GRM4: variants seen among roughly 807,000 people sequenced by gnomAD.
GRM4 encodes glutamate metabotropic receptor 4.
GRM4 carries 28 observed loss-of-function variants against 81.7 expected under a neutral mutation model. That is an observed-to-expected ratio of 0.34 (90% confidence interval 0.25 to 0.47). The LOEUF (loss-of-function observed/expected upper bound fraction) is 0.47, where lower values mean the gene tolerates loss of function less well. Ranked by LOEUF, GRM4 falls within the 20% of genes least tolerant of loss-of-function variation. GRM4 has a pLI of 1.00. For missense variants in GRM4, 948 were observed against 1,290.0 expected (o/e 0.73, Z 4.06); for synonymous variants, 488 against 528.8 (o/e 0.92, Z 1.06).
intron 2 of GRM4, among the ~76,000 whole-genome samples, chr6:34,100,573 G>C (rs1394215638): frequency 6.6e-6 from 1 of 152,190 alleles, no homozygotes; most frequent in Non-Finnish European, 1.5e-5. Flanking sequence ...TCACTCACTT[G>C]ACCAGGGTTT....
rs1562012195 is a variant in GRM4, at chr6:34,035,537, A to AAAGAAGGCAGAATGAGGAAT, written c.2442+130_2442+131insATTCCTCATTCTGCCTTCTT. ...GCATGAAAGAAGGCAGAATGAGGCA[A>AAAGAAGGCAGAATGAGGAAT]GAAAGAAGGCAGAATGAGGCATGAA... On this transcript the variant is annotated intron_variant, in intron 9 of 10. Coordinates refer to ENST00000538487, the MANE Select transcript of GRM4 (RefSeq NM_000841.4). The surrounding 1 kb of genome is among the most constrained non-coding windows in gnomAD (Gnocchi z 6.6). 1 of 579,024 alleles carries AAAGAAGGCAGAATGAGGAAT rather than the reference A, an allele frequency of 1.7e-6. No individual in the cohort carries two copies. The highest frequency in any genetic ancestry group is 2.0e-5 in the African/African-American group (1 of 50,394). The allele number at this position is 579,024 out of a possible 1,614,324, so 35.9% of individuals were successfully genotyped here.
intron 2 of GRM4, among the ~76,000 whole-genome samples, chr6:34,095,171 C>A (rs1245061654): frequency 6.6e-6 from 1 of 152,170 alleles, no homozygotes; most frequent in Non-Finnish European, 1.5e-5. Flanking sequence ...AGGAGGGGCC[C>A]CTGACCTTCC....
intron 2 of GRM4, among the ~76,000 whole-genome samples, chr6:34,128,077 C>T (rs1014418537): frequency 6.6e-6 from 1 of 152,166 alleles, no homozygotes; most frequent in African/African-American, 2.4e-5. Context: ...TGCCCCATTT[C>T]GTGATAGCAA....
At chr6:34,123,975 C>A (rs1479669486) in intron 2 of GRM4, among the ~76,000 whole-genome samples, 4 of 152,156 alleles carry the variant, frequency 2.6e-5, no homozygotes, top group Admixed American at 1.3e-4. Context: ...CAAAAGTCAT[C>A]AGGGTGGGAG....
intron 1 of GRM4, among the ~76,000 whole-genome samples, chr6:34,154,816 C>A (rs1002140601): frequency 6.6e-6 from 1 of 152,212 alleles, no homozygotes; most frequent in African/African-American, 2.4e-5. Flanking sequence ...TCAGCCACCC[C>A]AGAAACGCGG....
chr6:34,145,534 C>G (rs1462008354), intron 1 of GRM4, among the ~76,000 whole-genome samples: 4 of 152,318 alleles, frequency 2.6e-5, no homozygotes, highest in Admixed American at 6.5e-5. Context: ...GGCGCCGCAA[C>G]AGCGGCAACA....
At chr6:34,138,579 A>C (rs1163686186) in intron 1 of GRM4, among the ~76,000 whole-genome samples, 1 of 152,192 alleles carries the variant, frequency 6.6e-6, no homozygotes, top group East Asian at 1.9e-4. Context: ...CCCCTCTGCT[A>C]TCCATCCGGG....
At position 34,092,608 on chromosome 6, in the gene GRM4, G is replaced by A. The variant is rs182333496; in HGVS notation, c.520-509C>T. On this transcript the variant is annotated intron_variant, in intron 2 of 10. Transcript: ENST00000538487. The surrounding 1 kb of genome is among the most constrained non-coding windows in gnomAD (Gnocchi z 6.8). The stretch of plus-strand genomic sequence containing the variant: ...CCCTGCTCAGAGGAGATGGAGCCTC[G>A]ATTCCAGCTCCCCTGTCCCCCACTC... 3.4e-4 allele frequency among the ~76,000 whole-genome samples: 51 copies of A among 152,138 alleles called. No homozygotes were observed. The highest frequency in any genetic ancestry group is 1.1e-3 in the African/African-American group (45 of 41,500).
In GRM4 at chr6:34,114,512, C is replaced by T. The variant is rs1457728091; in HGVS notation, c.519+18466G>A. 6.6e-6 allele frequency among the ~76,000 whole-genome samples: 1 copy of T among 152,148 alleles called. No homozygotes were observed. The highest frequency in any genetic ancestry group is 1.5e-5 in the Non-Finnish European group (1 of 68,018). On this transcript the variant is annotated intron_variant, in intron 2 of 10. Transcript: ENST00000538487. The surrounding 1 kb of genome is among the most constrained non-coding windows in gnomAD (Gnocchi z 4.3). Reference sequence around the variant, plus strand: ...CTTTTAACTCCCAAATCCAAGCAGGCACCATCCTGCAGGATCAAGTCCACC... The same window carrying T: ...CTTTTAACTCCCAAATCCAAGCAGGTACCATCCTGCAGGATCAAGTCCACC...
At chr6:34,063,109 G>A (rs993013312) in intron 3 of GRM4, 7 of 152,294 alleles carry the variant, frequency 4.6e-5, no homozygotes, top group African/African-American at 7.2e-5. Context: ...CCCTCCTCTG[G>A]GTCCCACTCA....
At position 34,068,670 on chromosome 6, in the gene GRM4, G is replaced by C. The variant is rs1055965228; in HGVS notation, c.737-6642C>G. On this transcript the variant is annotated intron_variant, in intron 3 of 10. Transcript: ENST00000538487. This position sits in a 1 kb window ranked among gnomAD's most constrained non-coding sequence, Gnocchi z 4.2. ...CCTATCTCATGCAGTCAGCCTGGGC[G>C]GGCTGAAAGGAAAGGCCTCCCGTAA... 1.2e-4 allele frequency among the ~76,000 whole-genome samples: 19 copies of C among 152,312 alleles called. No individual in the cohort carries two copies. The highest frequency in any genetic ancestry group is 3.3e-4 in the Admixed American group (5 of 15,298).
Position 34,130,330 on chromosome 6 carries a change from C to T in GRM4, c.519+2648G>A, listed in dbSNP as rs1447955601. Reference sequence around the variant, plus strand: ...TTTCCTTGCTGTCCTGCTTTCTTCTCCACTCCCCAGGTCTCTACCTCCCGG... The same window carrying T: ...TTTCCTTGCTGTCCTGCTTTCTTCTTCACTCCCCAGGTCTCTACCTCCCGG... On this transcript the variant is annotated intron_variant, in intron 2 of 10. Coordinates refer to ENST00000538487, the MANE Select transcript of GRM4 (RefSeq NM_000841.4). The surrounding 1 kb of genome is among the most constrained non-coding windows in gnomAD (Gnocchi z 4.1). Among the ~76,000 whole-genome samples the T allele has an allele frequency of 6.6e-6, 1 of 152,150 alleles. No individual in the cohort carries two copies. The highest frequency in any genetic ancestry group is 6.5e-5 in the Admixed American group (1 of 15,286).
rs987211750 is a variant in GRM4, at chr6:34,074,984, A to G, written c.737-12956T>C. 1.2e-4 allele frequency among the ~76,000 whole-genome samples: 18 copies of G among 151,616 alleles called. No homozygotes were observed. The highest frequency in any genetic ancestry group is 4.4e-4 in the African/African-American group (18 of 41,250). On this transcript the variant is annotated intron_variant, in intron 3 of 10. Coordinates refer to ENST00000538487, the MANE Select transcript of GRM4 (RefSeq NM_000841.4). The surrounding 1 kb of genome is among the most constrained non-coding windows in gnomAD (Gnocchi z 4.9). ...CCCACCCATTTCTTGGGTTCAGTTC[A>G]TGAAGGGAAGGGAGTCTGCTCAAGG...
Position 34,133,529 on chromosome 6 carries a change from G to A in GRM4, c.-33C>T, listed in dbSNP as rs1770334946. On this transcript the variant is annotated 5_prime_UTR_variant, in exon 2 of 11. Coordinates refer to ENST00000538487, the MANE Select transcript of GRM4 (RefSeq NM_000841.4). This position sits in a 1 kb window ranked among gnomAD's most constrained non-coding sequence, Gnocchi z 6.5. ...ATCCCTAGAGACCCATGAACGGCAG[G>A]CCCACTCCTAGCCCTGGCAGGCCCC... 1.3e-6 allele frequency: 2 copies of A among 1,519,730 alleles called. No individual in the cohort carries two copies. Among genetic ancestry groups the A allele is most frequent in the Non-Finnish European group, 8.8e-7 (1 of 1,137,630 alleles). The allele number at this position is 1,519,730 out of a possible 1,614,324, so 94.1% of individuals were successfully genotyped here. A position where few individuals can be genotyped will look rare whatever the true frequency, so the allele number is the denominator to read the frequency against.
chr6:34,040,096 C>T, intron 8 of GRM4, 82 bp downstream of exon 8: 1 of 1,386,600 alleles, frequency 7.2e-7, no homozygotes, highest in Non-Finnish European at 1.0e-6. Flanking sequence ...GGCTAATCAG[C>T]AGCAGCCTCC....
rs564111275 is a variant in GRM4, at chr6:34,145,766, C to A, written c.-364+234G>T. 7.6e-3 allele frequency among the ~76,000 whole-genome samples: 1,165 copies of A among 152,304 alleles called. 12 individuals carry two copies. Among genetic ancestry groups the A allele is most frequent in the Middle Eastern group, 0.048 (14 of 294 alleles). On this transcript the variant is annotated intron_variant, in intron 1 of 10. Coordinates refer to ENST00000538487, the MANE Select transcript of GRM4 (RefSeq NM_000841.4). ...GCACGAGACCAATCCGGCAAGTTTG[C>A]GCTGAAAGTGCGGGCCAAGCTCACG...
chr6:34,092,082 G>A lies in GRM4; in HGVS notation c.537C>T (p.Tyr179=), dbSNP rs375849302. ...LRLFKIPQIS[Y]ASTAPDLSDN... ...CACTCAGGTCTGGCGCTGTGGAGGC[G>A]TAGCTGATCTGGGGTATCTGAGGGG... is the stretch of plus-strand genomic sequence containing the variant. Residue 179 remains tyrosine, a synonymous_variant, in exon 3 of 11, where the codon TAC becomes TAT. Coordinates refer to ENST00000538487, the MANE Select transcript of GRM4 (RefSeq NM_000841.4). The surrounding 1 kb of genome is among the most constrained non-coding windows in gnomAD (Gnocchi z 6.8). The A allele has an allele frequency of 4.7e-5, 75 of 1,607,158 alleles. No individual in the cohort carries two copies. Among genetic ancestry groups the A allele is most frequent in the Non-Finnish European group, 5.7e-5 (67 of 1,174,616 alleles).
chr6:34,033,476 C>G (rs563166491), intron 9 of GRM4, among the ~76,000 whole-genome samples: 1 of 152,216 alleles, frequency 6.6e-6, no homozygotes, highest in African/African-American at 2.4e-5. Flanking sequence ...CAAGTCACTC[C>G]CCCTCTCTGT....
At chr6:34,098,870 G>C (rs906539615) in intron 2 of GRM4, among the ~76,000 whole-genome samples, 1 of 152,178 alleles carries the variant, frequency 6.6e-6, no homozygotes, top group African/African-American at 2.4e-5. Context: ...CTGCAGAGAG[G>C]GGGTGGGGGC....
Sources: gnomAD v4.1 joint callset for allele counts (sites outside exome capture counted in the v4.1 genomes callset) on GRCh38, gnomAD v4.1.1 for gene constraint, Gnocchi (gnomAD v3.1) non-coding constraint, MANE v1.5 for transcripts, NCBI Gene and HGNC (gene_info 2026-07-23, HGNC 2026-07-21) for gene names.